MED17: variants seen among roughly 807,000 people sequenced by gnomAD.
MED17 encodes the protein mediator of RNA polymerase II transcription subunit 17.
A neutral mutation model predicts 80.8 loss-of-function variants in MED17; 49 were observed. The ratio of observed to expected loss-of-function variants is 0.61; its 90% CI spans 0.48 to 0.77. The LOEUF (loss-of-function observed/expected upper bound fraction) is 0.77, where lower values mean the gene tolerates loss of function less well. MED17 is among the 30% of genes least tolerant of loss of function. MED17 has a pLI of 0.00. For missense variants in MED17, 718 were observed against 787.0 expected, an observed-to-expected ratio of 0.91 and a Z score of 1.05; for synonymous variants, 281 against 280.4, an observed-to-expected ratio of 1.00 and a Z score of -0.02.
chr11:93,809,562 C>T, intron 10 of MED17, 155 bp from the exon 11 acceptor site: 2 of 761,778 alleles, frequency 2.6e-6, no homozygotes, highest in Non-Finnish European at 4.5e-6. Context: ...TATTCCCTCC[C>T]CCTAAGTTAC....
In MED17 at chr11:93,797,569, C is replaced by G; in HGVS notation, c.1178C>G (p.Pro393Arg). 1.9e-6 allele frequency: 3 copies of G among 1,614,054 alleles called. No homozygotes were observed. Among genetic ancestry groups the G allele is most frequent in the Non-Finnish European group, 2.5e-6 (3 of 1,179,986 alleles). Residue 393 changes from proline (P) to arginine (R), a missense_variant, in exon 8 of 12, where the codon CCT becomes CGT. Physicochemically the swap from Pro to Arg is moderately radical, Grantham distance 103. Transcript: ENST00000251871. ...CAGACCTTGAGTTCCATCATGATGCCTCATCCAGCAAGTGCACCTTTTGGC... is the reference window on the plus strand; with the variant it reads ...CAGACCTTGAGTTCCATCATGATGCGTCATCCAGCAAGTGCACCTTTTGGC... ...HKQTLSSIMM[P>R]HPASAPFGHK...
At chr11:93,790,456 T>A (rs1002112891) in intron 2 of MED17, 118 bp from the exon 3 acceptor site, 1 of 822,518 alleles carries the variant, frequency 1.2e-6, no homozygotes. Flanking sequence ...AACACTGTTA[T>A]GTGTACTTGC....
Position 93,808,652 on chromosome 11 carries a change from A to G in MED17, c.1584+1017A>G, listed in dbSNP as rs368906440. On this transcript the variant is annotated intron_variant, in intron 10 of 11. Transcript: ENST00000251871. ...CCTACCCTATATCTCAGAAGCAATA[A>G]TCTTATATACTGATTTGCTTCTTTG... 9.2e-5 allele frequency: 14 copies of G among 151,734 alleles called. No individual in the cohort carries two copies. In the East Asian group the frequency reaches 2.7e-3, roughly 30 times the overall value. 9.4% of individuals were successfully genotyped at this position (151,734 alleles called of 1,614,324 possible). A position where few individuals can be genotyped will look rare whatever the true frequency, so the allele number is the denominator to read the frequency against.
intron 1 of MED17, among the ~76,000 whole-genome samples, chr11:93,786,721 G>A (rs1215385032): frequency 6.6e-6 from 1 of 152,098 alleles, no homozygotes; most frequent in East Asian, 1.9e-4. Context: ...ACCCTGCCTC[G>A]GCCTCCCAAA....
Position 93,796,504 on chromosome 11 carries a change from T to C in MED17, c.1107T>C (p.Tyr369=). Residue 369 remains tyrosine (Y), a synonymous_variant, in exon 7 of 12, where the codon TAT becomes TAC. Coordinates refer to ENST00000251871, the MANE Select transcript of MED17 (RefSeq NM_004268.5). ...TEKQCPEDHL[Y]VLEHNLHLLI... The stretch of plus-strand genomic sequence containing the variant: ...AGCAATGTCCGGAGGACCACCTTTA[T>C]GTCCTAGAGCATAATTTGCATCTAC... 6.2e-7 allele frequency: 1 copy of C among 1,614,138 alleles called. No homozygotes were observed. The highest frequency in any genetic ancestry group is 8.5e-7 in the Non-Finnish European group (1 of 1,179,980).
intron 10 of MED17, 179 bp from the exon 11 acceptor site, chr11:93,809,538 G>A (rs1944064219): frequency 6.0e-6 from 4 of 664,898 alleles, no homozygotes; most frequent in East Asian, 2.7e-5. Context: ...CTTTGGCAGT[G>A]GAAGGTGGAG....
chr11:93,813,520 C>G lies in MED17; in HGVS notation c.*1456C>G, dbSNP rs763671541. On this transcript the variant is annotated 3_prime_UTR_variant, in exon 12 of 12. Transcript: ENST00000251871. ...GCACAATTCCACTCACATAAGGAGTCTTTTATGTGATTTTGAAGGCTCAGG... is the reference window on the plus strand; with the variant it reads ...GCACAATTCCACTCACATAAGGAGTGTTTTATGTGATTTTGAAGGCTCAGG... 4.6e-5 allele frequency: 7 copies of G among 152,118 alleles called. No individual in the cohort carries two copies. Among genetic ancestry groups the G allele is most frequent in the Non-Finnish European group, 8.8e-5 (6 of 68,016 alleles). The allele number at this position is 152,118 out of a possible 1,614,324, so 9.4% of individuals were successfully genotyped here. A position where few individuals can be genotyped will look rare whatever the true frequency, so the allele number is the denominator to read the frequency against.
rs1348092641 is a variant in MED17, at chr11:93,814,158, C to T, written c.*2094C>T. ...GATACTACCGTCTGTTCTTTTAAAC[C>T]CCATCTGAGTAGAGTGGGATAACTG... On this transcript the variant is annotated 3_prime_UTR_variant, in exon 12 of 12. Transcript: ENST00000251871. 1 of 152,124 alleles carries T rather than the reference C, an allele frequency of 6.6e-6. No homozygotes were observed. The highest frequency in any genetic ancestry group is 2.1e-4 in the South Asian group (1 of 4,830). 9.4% of individuals were successfully genotyped at this position (152,124 alleles called of 1,614,324 possible).
chr11:93,804,992 G>C (rs1056429932), intron 9 of MED17, among the ~76,000 whole-genome samples: 11 of 152,144 alleles, frequency 7.2e-5, no homozygotes, highest in Non-Finnish European at 1.5e-4. Flanking sequence ...TAAAATATGT[G>C]GATTATTCTG....
rs1474820327 is a variant in MED17, at chr11:93,790,678, C to T, written c.522C>T (p.Asn174=). 3.7e-6 allele frequency: 6 copies of T among 1,614,014 alleles called. No individual in the cohort carries two copies. The highest frequency in any genetic ancestry group is 5.1e-6 in the Non-Finnish European group (6 of 1,180,034). ...GACTGACTAAATCAGTTACCGAAAACCAAGAAAACAAGCTACAAAGAGACT... is the reference window on the plus strand; with the variant it reads ...GACTGACTAAATCAGTTACCGAAAATCAAGAAAACAAGCTACAAAGAGACT... ...AERLTKSVTE[N]QENKLQRDFN... The change falls in exon 3 of 12, where the codon AAC becomes AAT. Residue 174 remains asparagine (N), a synonymous_variant. Coordinates refer to ENST00000251871, the MANE Select transcript of MED17 (RefSeq NM_004268.5).
chr11:93,793,698 T>C (rs745488610), intron 3 of MED17, 30 bp from the exon 4 acceptor site: 1 of 1,452,854 alleles, frequency 6.9e-7, no homozygotes, highest in Non-Finnish European at 9.6e-7. Flanking sequence ...TTAACTGTTT[T>C]ATATTTTCCT....
chr11:93,809,106 T>C (rs1468308325), intron 10 of MED17: 2 of 161,522 alleles, frequency 1.2e-5, no homozygotes, highest in African/African-American at 4.8e-5. Context: ...AGGGACTTAG[T>C]GGTCACCATT....
intron 8 of MED17, among the ~76,000 whole-genome samples, chr11:93,799,988 T>C (rs1335097807): frequency 6.6e-6 from 1 of 152,204 alleles, no homozygotes; most frequent in Non-Finnish European, 1.5e-5. Context: ...TAATATTGTA[T>C]TGTAAATTTT....
rs376582750 is a variant in MED17, at chr11:93,801,796, G to A, written c.1329-39G>A. ...CATTTATATTCCTATCATTTTGTAT[G>A]GTGACTTAAAAAGTTTTTTAACTTC... On this transcript the variant is annotated intron_variant, in intron 8 of 11. Transcript: ENST00000251871. 1.1e-5 allele frequency: 17 copies of A among 1,588,424 alleles called. No homozygotes were observed. In the African/African-American group the frequency reaches 1.9e-4, roughly 18 times the overall value.
chr11:93,809,892 T>C lies in MED17; in HGVS notation c.1744+16T>C. The C allele has an allele frequency of 6.2e-7, 1 of 1,614,136 alleles. No homozygotes were observed. The highest frequency in any genetic ancestry group is 8.5e-7 in the Non-Finnish European group (1 of 1,179,970). Reference sequence around the variant, plus strand: ...GCTATTTCAGGTACTTTCTGCTGCTTTGAATGAGAAGGGACCATTGGGAGT... The same window carrying C: ...GCTATTTCAGGTACTTTCTGCTGCTCTGAATGAGAAGGGACCATTGGGAGT... On this transcript the variant is annotated intron_variant, in intron 11 of 11. Coordinates refer to ENST00000251871, the MANE Select transcript of MED17 (RefSeq NM_004268.5).
At position 93,809,828 on chromosome 11, in the gene MED17, G is replaced by A; in HGVS notation, c.1696G>A (p.Ala566Thr). ...GLGPIESIGNASAITVASPSG... is the reference protein window; with the variant it reads ...GLGPIESIGNTSAITVASPSG... Reference sequence around the variant, plus strand: ...TGGACCTATAGAGAGCATTGGTAATGCATCTGCCATCACGGTGGCCTCCCC... The same window carrying A: ...TGGACCTATAGAGAGCATTGGTAATACATCTGCCATCACGGTGGCCTCCCC... The change falls in exon 11 of 12, where the codon GCA (alanine) becomes ACA (threonine). Residue 566 changes from alanine (A) to threonine (T), a missense_variant. Physicochemically the swap from Ala to Thr is moderately conservative, Grantham distance 58. Coordinates refer to ENST00000251871, the MANE Select transcript of MED17 (RefSeq NM_004268.5). 6.2e-7 allele frequency: 1 copy of A among 1,614,180 alleles called. No homozygotes were observed. The highest frequency in any genetic ancestry group is 8.5e-7 in the Non-Finnish European group (1 of 1,180,036).
chr11:93,802,470 G>GT (rs1310540757), intron 9 of MED17, among the ~76,000 whole-genome samples: 1 of 152,014 alleles, frequency 6.6e-6, no homozygotes, highest in Non-Finnish European at 1.5e-5. Context: ...TTTAAACATT[G>GT]TAAGAATGAG....
rs1944117297 is a variant in MED17, at chr11:93,814,804, A to G, written c.*2740A>G. The G allele has an allele frequency of 6.6e-6, 1 of 152,196 alleles. No homozygotes were observed. The highest frequency in any genetic ancestry group is 2.1e-4 in the South Asian group (1 of 4,830). 9.4% of individuals were successfully genotyped at this position (152,196 alleles called of 1,614,324 possible). ...GTGAAGATATTGAGTGTTTTTCATC[A>G]GATTTCTTTGCTGGAACACCATCAA... On this transcript the variant is annotated 3_prime_UTR_variant, in exon 12 of 12. Transcript: ENST00000251871.
At chr11:93,792,922 CAG>C (rs1301961860) in intron 3 of MED17, among the ~76,000 whole-genome samples, 1 of 151,838 alleles carries the variant, frequency 6.6e-6, no homozygotes. Flanking sequence ...GCCTGGAAGA[CAG>C]AGGGAGACCT....
Sources: allele counts gnomAD v4.1 joint callset (sites outside exome capture counted in the v4.1 genomes callset), GRCh38; gene constraint gnomAD v4.1.1; transcripts MANE v1.5; gene names NCBI Gene and HGNC (gene_info 2026-07-23, HGNC 2026-07-21).